FBXO36: variants seen among roughly 807,000 people sequenced by gnomAD.
The protein encoded by FBXO36 is F-box only protein 36.
Under a neutral mutation model 17.0 loss-of-function variants are expected in FBXO36, and 18 were observed. That is an observed-to-expected ratio of 1.06 (90% CI 0.73 to 1.57). FBXO36 has a LOEUF of 1.57. Among genes scored for constraint, FBXO36 ranks in the 40% most tolerant of loss-of-function variants. The probability of loss-of-function intolerance (pLI) is 0.00; values close to 1 mark genes in which losing one functional copy is unlikely to be tolerated. For missense variants in FBXO36, 229 were observed against 221.9 expected, an observed-to-expected ratio of 1.03 and a Z score of -0.20; for synonymous variants, 83 against 85.3, an observed-to-expected ratio of 0.97 and a Z score of 0.15.
intron 2 of FBXO36, among the ~76,000 whole-genome samples, chr2:229,984,801 A>T (rs2077259991): frequency 6.6e-6 from 1 of 152,160 alleles, no homozygotes; most frequent in Non-Finnish European, 1.5e-5. Context: ...TGTGGGTACA[A>T]ATACACAATC....
At chr2:229,995,592 C>CTTT (rs748422157) in intron 2 of FBXO36, among the ~76,000 whole-genome samples, 18 of 114,552 alleles carry the variant, frequency 1.6e-4, no homozygotes, top group South Asian at 2.8e-4. Flanking sequence ...CTCTTTCTTT[C>CTTT]TTTCTTTTTT....
At chr2:229,952,073 G>A (rs1291502591) in intron 1 of FBXO36, among the ~76,000 whole-genome samples, 3 of 151,990 alleles carry the variant, frequency 2.0e-5, no homozygotes, top group African/African-American at 4.8e-5. Flanking sequence ...CATTTCATAA[G>A]TTATTTTAAT....
At chr2:229,946,762 A>G (rs201000090) in intron 1 of FBXO36, among the ~76,000 whole-genome samples, 36 of 152,340 alleles carry the variant, frequency 2.4e-4, no homozygotes, top group East Asian at 5.8e-4. Context: ...CCTAATGTTC[A>G]GCGTGCACAT....
At chr2:229,951,389 A>G (rs768540115) in intron 1 of FBXO36, among the ~76,000 whole-genome samples, 3 of 151,970 alleles carry the variant, frequency 2.0e-5, no homozygotes, top group Non-Finnish European at 4.4e-5. Context: ...GATTACAGGC[A>G]CGTGCCACCA....
At chr2:229,964,161 A>G (rs1354435677) in intron 1 of FBXO36, among the ~76,000 whole-genome samples, 1 of 151,784 alleles carries the variant, frequency 6.6e-6, no homozygotes, top group Non-Finnish European at 1.5e-5. Context: ...TCAGTTTATC[A>G]TTATTTTATT....
intron 1 of FBXO36, among the ~76,000 whole-genome samples, chr2:229,938,660 G>C (rs1288567624): frequency 6.7e-6 from 1 of 148,666 alleles, no homozygotes; most frequent in Admixed American, 6.8e-5. Flanking sequence ...ATCATGCCGG[G>C]CTAATTTTTG....
chr2:230,010,903 G>T lies in FBXO36; in HGVS notation c.*19G>T. ...ACCTTAGGCACACATTTTCCTACCAGCAGGGAGCTCAGGCATGGCTGTGTT... is the reference window on the plus strand; with the variant it reads ...ACCTTAGGCACACATTTTCCTACCATCAGGGAGCTCAGGCATGGCTGTGTT... On this transcript the variant is annotated 3_prime_UTR_variant, in exon 4 of 4. Coordinates refer to ENST00000283946, the MANE Select transcript of FBXO36 (RefSeq NM_174899.5). The T allele has an allele frequency of 1.9e-6, 3 of 1,589,428 alleles. No homozygotes were observed. The South Asian group carries it at 3.4e-5, about 18-fold the overall frequency.
intron 2 of FBXO36, among the ~76,000 whole-genome samples, chr2:229,988,063 T>C (rs2077278233): frequency 6.6e-6 from 1 of 152,210 alleles, no homozygotes; most frequent in Non-Finnish European, 1.5e-5. Context: ...CATTTTCTAA[T>C]TTCCATTTTG....
chr2:229,962,498 T>TTTTTTTTTTA (rs1553807041), intron 1 of FBXO36, among the ~76,000 whole-genome samples: 2 of 127,324 alleles, frequency 1.6e-5, no homozygotes, highest in East Asian at 2.3e-4. Flanking sequence ...ACCTAGTTGA[T>TTTTTTTTTTA]TTTTATTTTA....
At chr2:229,981,451 C>T (rs912656441) in intron 2 of FBXO36, among the ~76,000 whole-genome samples, 5 of 151,922 alleles carry the variant, frequency 3.3e-5, no homozygotes, top group Admixed American at 6.6e-5. Flanking sequence ...CGATCACGCT[C>T]ACTGCAACTT....
intron 1 of FBXO36, chr2:229,937,765 TTC>T (rs912001662): frequency 1.3e-5 from 2 of 152,180 alleles, no homozygotes; most frequent in African/African-American, 4.8e-5. Flanking sequence ...ACACATGGGT[TTC>T]TCTCTCTTTT....
chr2:229,927,131 A>T (rs2076917110), intron 1 of FBXO36, among the ~76,000 whole-genome samples: 1 of 152,194 alleles, frequency 6.6e-6, no homozygotes. Flanking sequence ...AAGTTCTGGG[A>T]TTACAGGGGT....
chr2:229,984,414 G>A (rs1487212302), intron 2 of FBXO36, among the ~76,000 whole-genome samples: 1 of 148,994 alleles, frequency 6.7e-6, no homozygotes, highest in Admixed American at 6.7e-5. Context: ...TTTTTGAGTC[G>A]GAGTCTCGCT....
intron 1 of FBXO36, among the ~76,000 whole-genome samples, chr2:229,970,069 A>G (rs1160418008): frequency 1.3e-5 from 2 of 152,208 alleles, no homozygotes; most frequent in African/African-American, 4.8e-5. Flanking sequence ...AGGAATGTAA[A>G]GTGCCCATTA....
At chr2:229,992,971 A>AT (rs2077305495) in intron 2 of FBXO36, among the ~76,000 whole-genome samples, 1 of 152,042 alleles carries the variant, frequency 6.6e-6, no homozygotes, top group South Asian at 2.1e-4. Context: ...CTAAACTCTG[A>AT]TTTTTTTATC....
At chr2:229,957,862 G>C (rs1410098383) in intron 1 of FBXO36, among the ~76,000 whole-genome samples, 1 of 152,134 alleles carries the variant, frequency 6.6e-6, no homozygotes, top group Non-Finnish European at 1.5e-5. Flanking sequence ...GTGCCCTCAA[G>C]AAACTTGGGC....
chr2:229,973,590 G>A (rs2077192190), intron 1 of FBXO36, among the ~76,000 whole-genome samples: 1 of 151,310 alleles, frequency 6.6e-6, no homozygotes, highest in Non-Finnish European at 1.5e-5. Context: ...GTGCCGTGGT[G>A]GGCGCCTGTA....
At chr2:229,931,954 TCAC>T (rs2076940838) in intron 1 of FBXO36, among the ~76,000 whole-genome samples, 2 of 150,976 alleles carry the variant, frequency 1.3e-5, no homozygotes, top group Admixed American at 6.6e-5. Flanking sequence ...TCTTGATCTG[TCAC>T]CTAAGCTGGA....
At position 230,009,533 on chromosome 2, in the gene FBXO36, C is replaced by T. The variant is rs571658877; in HGVS notation, c.379-1163C>T. On this transcript the variant is annotated intron_variant, in intron 3 of 3. Coordinates refer to ENST00000283946, the MANE Select transcript of FBXO36 (RefSeq NM_174899.5). Reference sequence around the variant, plus strand: ...TACTTTCAAGACCAAGAAGTGCTCACACCTTGCAGGAATTGGAGAAGGTTT... The same window carrying T: ...TACTTTCAAGACCAAGAAGTGCTCATACCTTGCAGGAATTGGAGAAGGTTT... Among the ~76,000 whole-genome samples the T allele has an allele frequency of 2.0e-5, 3 of 152,294 alleles. No homozygotes were observed. In the South Asian group the frequency reaches 6.2e-4, roughly 32 times the overall value.
Sources: allele counts gnomAD v4.1 joint callset (sites outside exome capture counted in the v4.1 genomes callset), GRCh38; gene constraint gnomAD v4.1.1; transcripts MANE v1.5; gene names NCBI Gene and HGNC (gene_info 2026-07-23, HGNC 2026-07-21).